Variants in STARD13 observed in about 807,000 individuals in gnomAD.
The protein encoded by STARD13 is StAR related lipid transfer domain containing 13.
A neutral mutation model predicts 106.4 loss-of-function variants in STARD13; 62 were observed. The ratio of observed to expected loss-of-function variants is 0.58; its 90% CI spans 0.48 to 0.72. The LOEUF (loss-of-function observed/expected upper bound fraction) is 0.72, where lower values mean the gene tolerates loss of function less well. Among genes scored for constraint, STARD13 ranks in the 30% least tolerant of loss-of-function variants. The pLI is 0.00. For missense variants in STARD13, 1,387 were observed against 1,424.0 expected (o/e 0.97, Z 0.42); for synonymous variants, 565 against 553.0 (o/e 1.02, Z -0.31).
At chr13:33,163,602 A>ATATATATAACATATATATAT in intron 3 of STARD13, among the ~76,000 whole-genome samples, 2 of 89,620 alleles carry the variant, frequency 2.2e-5, no homozygotes, top group South Asian at 1.1e-3. Context: ...AAAAAAAAAA[A>ATATATATAACATATATATAT]AAAATATATA....
At chr13:33,548,288 G>C in the STARD13 span, among the ~76,000 whole-genome samples, 1 of 152,108 alleles carries the variant, frequency 6.6e-6, no homozygotes, top group Non-Finnish European at 1.5e-5. Flanking sequence ...CTGAAAAACT[G>C]ACCAAGTTCC....
At chr13:33,189,433 TCGGA>T (rs1473200288) in intron 1 of STARD13, among the ~76,000 whole-genome samples, 3,219 of 44,120 alleles carry the variant, frequency 0.073, 65 homozygotes, top group Middle Eastern at 0.12. Flanking sequence ...CTTCCTCCTT[TCGGA>T]GGAAGGAGGG....
chr13:33,602,975 T>C, the STARD13 span, among the ~76,000 whole-genome samples: 72 of 152,322 alleles, frequency 4.7e-4, no homozygotes, highest in African/African-American at 1.5e-3. Flanking sequence ...ACAGTTGTTT[T>C]GGGATAAACA....
At chr13:33,139,230 T>C (rs1879487276) in intron 4 of STARD13, among the ~76,000 whole-genome samples, 1 of 152,208 alleles carries the variant, frequency 6.6e-6, no homozygotes. Context: ...CTCCAGTTTG[T>C]CTCTGAATAT....
chr13:33,177,731 G>C (rs1884666265), intron 1 of STARD13, among the ~76,000 whole-genome samples: 1 of 129,532 alleles, frequency 7.7e-6, no homozygotes, highest in Non-Finnish European at 1.7e-5. Flanking sequence ...AGGGAGAAAG[G>C]GAGGGAGGAA....
intron 1 of STARD13, among the ~76,000 whole-genome samples, chr13:33,325,763 G>C (rs1249893712): frequency 6.6e-6 from 1 of 152,072 alleles, no homozygotes. Context: ...GGGAGGCCGA[G>C]GCGGACGGAT....
At chr13:33,235,220 T>C (rs1889129190) in intron 1 of STARD13, among the ~76,000 whole-genome samples, 1 of 152,226 alleles carries the variant, frequency 6.6e-6, no homozygotes, top group Non-Finnish European at 1.5e-5. Context: ...TGTCAGACAC[T>C]GAGCAAACTA....
the STARD13 span, among the ~76,000 whole-genome samples, chr13:33,575,270 C>T: frequency 1.3e-5 from 2 of 151,856 alleles, no homozygotes; most frequent in Admixed American, 6.6e-5. Flanking sequence ...AAAAATGAAC[C>T]CCAAAGATCC....
chr13:33,155,645 A>G (rs1320160920), intron 3 of STARD13: 5 of 152,158 alleles, frequency 3.3e-5, no homozygotes, highest in Admixed American at 3.3e-4. Flanking sequence ...AGGCCATTAA[A>G]AATATATATA....
chr13:33,554,655 A>G, the STARD13 span, among the ~76,000 whole-genome samples: 1 of 152,214 alleles, frequency 6.6e-6, no homozygotes, highest in Non-Finnish European at 1.5e-5. Context: ...AGGCACACTG[A>G]AGATATAAAT....
the STARD13 span, among the ~76,000 whole-genome samples, chr13:33,630,154 G>A: frequency 1.3e-5 from 2 of 152,148 alleles, no homozygotes; most frequent in Non-Finnish European, 2.9e-5. Flanking sequence ...TTGCTTTAAA[G>A]CAAAGTGCAA....
chr13:33,499,757 CTTTCT>C, the STARD13 span, among the ~76,000 whole-genome samples: 1 of 125,992 alleles, frequency 7.9e-6, no homozygotes. Flanking sequence ...TCTTCTTCTT[CTTTCT>C]TTTTTTTTTT....
intron 1 of STARD13, among the ~76,000 whole-genome samples, chr13:33,330,410 T>G (rs1355233803): frequency 1.3e-5 from 2 of 152,214 alleles, no homozygotes; most frequent in Non-Finnish European, 2.9e-5. Context: ...AAGTGTCTAT[T>G]TTGGTCCCTT....
intron 1 of STARD13, among the ~76,000 whole-genome samples, chr13:33,205,144 C>G (rs915113123): frequency 3.9e-5 from 6 of 152,176 alleles, no homozygotes; most frequent in African/African-American, 1.4e-4. Flanking sequence ...CATACAATTA[C>G]CAACAGCCCA....
At chr13:33,218,767 C>T (rs925169073) in intron 1 of STARD13, among the ~76,000 whole-genome samples, 4 of 152,134 alleles carry the variant, frequency 2.6e-5, no homozygotes, top group African/African-American at 9.7e-5. Context: ...ATTCAGTTGT[C>T]TGTGAAGAAC....
At chr13:33,215,028 C>T (rs941362555) in intron 1 of STARD13, among the ~76,000 whole-genome samples, 1 of 147,546 alleles carries the variant, frequency 6.8e-6, no homozygotes, top group Non-Finnish European at 1.5e-5. Context: ...GACTGTTGCT[C>T]CTTGCAAAAT....
the STARD13 span, among the ~76,000 whole-genome samples, chr13:33,612,248 A>C: frequency 2.9e-3 from 444 of 152,296 alleles, 5 homozygotes; most frequent in African/African-American, 8.8e-3. Context: ...GTGCCTTGGT[A>C]AAAATTAGGA....
chr13:33,321,487 C>CAG lies in STARD13; in HGVS notation c.124+28801_124+28802dup, dbSNP rs541836434. On this transcript the variant is annotated intron_variant, in intron 1 of 5. Transcript: ENST00000567873. ...TGCCACTGCACTCCAGCCAGAGCAA[C>CAG]AGAGAGACTCCGTCTCAGGGAAAAA... Among the ~76,000 whole-genome samples, 700 of 145,878 alleles carry CAG rather than the reference C, an allele frequency of 4.8e-3. 5 individuals carry two copies. Among genetic ancestry groups the CAG allele is most frequent in the African/African-American group, 0.017 (658 of 38,938 alleles).
chr13:33,542,425 G>T, the STARD13 span, among the ~76,000 whole-genome samples: 1 of 152,230 alleles, frequency 6.6e-6, no homozygotes, highest in African/African-American at 2.4e-5. Context: ...AAACCCCGTG[G>T]GCGGGATTTA....
Sources: gnomAD v4.1 joint callset for allele counts (sites outside exome capture counted in the v4.1 genomes callset) on GRCh38, gnomAD v4.1.1 for gene constraint, MANE v1.5 for transcripts, NCBI Gene and HGNC (gene_info 2026-07-23, HGNC 2026-07-21) for gene names.